STXBP3: variants seen among roughly 807,000 people sequenced by gnomAD.
STXBP3 encodes syntaxin binding protein 3.
In STXBP3, 41 loss-of-function variants were observed where a neutral mutation model predicts 85.7. The observed-to-expected ratio is 0.48, with a 90% CI of 0.37 to 0.62. The LOEUF (loss-of-function observed/expected upper bound fraction) is 0.62. Ranked by LOEUF, STXBP3 falls within the 20% of genes least tolerant of loss-of-function variation. The pLI is 0.00. For synonymous variants in STXBP3, 229 were observed against 231.7 expected (o/e 0.99, Z 0.10); for missense variants, 563 against 703.1 (o/e 0.80, Z 2.25).
chr1:108,754,071 C>T (rs1334869016), intron 3 of STXBP3, among the ~76,000 whole-genome samples: 2 of 138,988 alleles, frequency 1.4e-5, no homozygotes, highest in Admixed American at 1.5e-4. Context: ...CTCACTCTGT[C>T]ACCCAGGCTG....
chr1:108,791,867 C>T (rs909768990), intron 11 of STXBP3, among the ~76,000 whole-genome samples: 2 of 152,136 alleles, frequency 1.3e-5, no homozygotes, highest in African/African-American at 4.8e-5. Flanking sequence ...TGTAGTTTTG[C>T]CTTTTCCAGA....
intron 11 of STXBP3, among the ~76,000 whole-genome samples, chr1:108,790,245 T>G (rs1662948125): frequency 6.6e-6 from 1 of 152,216 alleles, no homozygotes; most frequent in Non-Finnish European, 1.5e-5. Context: ...GAAGTTATAT[T>G]AACTGATAAA....
At chr1:108,780,929 G>A (rs1474558925) in intron 9 of STXBP3, 4 of 151,282 alleles carry the variant, frequency 2.6e-5, no homozygotes, top group Admixed American at 2.0e-4. Flanking sequence ...CACTGCGCCT[G>A]GCTCATTTTT....
In STXBP3 at chr1:108,772,863, A is replaced by G. The variant is rs373037751; in HGVS notation, c.593+44A>G. 207 of 1,457,032 alleles carry G rather than the reference A, an allele frequency of 1.4e-4. 1 individual carries two copies. The Middle Eastern group carries it at 1.5e-3, about 10-fold the overall frequency. 90.3% of individuals were successfully genotyped at this position (1,457,032 alleles called of 1,614,324 possible). A position where few individuals can be genotyped will look rare whatever the true frequency, so the allele number is the denominator to read the frequency against. ...GCACATGTTATGCTTCCTATTTACC[A>G]TTCATTATAGAGGTAAGTAATGTGT... On this transcript the variant is annotated intron_variant, in intron 7 of 18. Coordinates refer to ENST00000370008, the MANE Select transcript of STXBP3 (RefSeq NM_007269.4).
intron 6 of STXBP3, among the ~76,000 whole-genome samples, chr1:108,768,591 C>T (rs1662317815): frequency 6.6e-6 from 1 of 152,098 alleles, no homozygotes; most frequent in Non-Finnish European, 1.5e-5. Flanking sequence ...AAGATAGGCT[C>T]TCTGTAGGTA....
At chr1:108,800,668 A>G (rs1302201569) in intron 17 of STXBP3, among the ~76,000 whole-genome samples, 5 of 152,220 alleles carry the variant, frequency 3.3e-5, no homozygotes, top group Non-Finnish European at 5.9e-5. Flanking sequence ...CTAAATCATT[A>G]TAATTCAAGC....
intron 11 of STXBP3, among the ~76,000 whole-genome samples, chr1:108,785,664 C>T (rs999698525): frequency 6.6e-6 from 1 of 152,150 alleles, no homozygotes; most frequent in Non-Finnish European, 1.5e-5. Flanking sequence ...TCTATCATAT[C>T]GTCAGGCTGC....
In STXBP3 at chr1:108,759,967, G is replaced by GT. The variant is rs199832556; in HGVS notation, c.338-9dup. On this transcript the variant is annotated splice_polypyrimidine_tract_variant and intron_variant, in intron 5 of 18. Coordinates refer to ENST00000370008, the MANE Select transcript of STXBP3 (RefSeq NM_007269.4). The stretch of plus-strand genomic sequence containing the variant: ...AAATCTAGATGTAACTATATGCTTT[G>GT]TTTTTTTTTCCCCTCAGTTTGCCCT... 5,248 of 1,406,852 alleles carry GT rather than the reference G, an allele frequency of 3.7e-3. 56 individuals carry two copies. The East Asian group carries it at 0.055, about 15-fold the overall frequency. The allele number at this position is 1,406,852 out of a possible 1,614,324, so 87.1% of individuals were successfully genotyped here.
At chr1:108,789,610 T>C (rs1446157581) in intron 11 of STXBP3, among the ~76,000 whole-genome samples, 1 of 152,234 alleles carries the variant, frequency 6.6e-6, no homozygotes, top group African/African-American at 2.4e-5. Context: ...ACCCTTATTA[T>C]GATTTCTTCT....
chr1:108,772,906 G>C, intron 7 of STXBP3, 87 bp downstream of exon 7: 4 of 1,270,394 alleles, frequency 3.1e-6, no homozygotes, highest in Middle Eastern at 2.2e-4. Context: ...TTGGCATGTT[G>C]GTTTGCAAAA....
intron 6 of STXBP3, among the ~76,000 whole-genome samples, chr1:108,765,570 A>ATT (rs35813823): frequency 0.079 from 5,290 of 66,846 alleles, 534 homozygotes; most frequent in African/African-American, 0.22. Context: ...CCACATGCTA[A>ATT]TTTTTTTTTT....
intron 6 of STXBP3, among the ~76,000 whole-genome samples, chr1:108,772,446 A>T (rs1286551364): frequency 7.1e-6 from 1 of 140,338 alleles, no homozygotes; most frequent in African/African-American, 2.6e-5. Flanking sequence ...ATCTATCTGT[A>T]TAATATATAA....
At chr1:108,774,329 C>T (rs1662541592) in intron 7 of STXBP3, among the ~76,000 whole-genome samples, 1 of 152,084 alleles carries the variant, frequency 6.6e-6, no homozygotes, top group South Asian at 2.1e-4. Flanking sequence ...AAGCATTCAG[C>T]ACTAATAAAT....
At chr1:108,795,920 C>T (rs1291550313) in intron 13 of STXBP3, among the ~76,000 whole-genome samples, 3 of 150,554 alleles carry the variant, frequency 2.0e-5, no homozygotes, top group African/African-American at 7.3e-5. Context: ...GGCTAGAGTG[C>T]AATGGCCCAA....
At chr1:108,779,455 A>G in intron 9 of STXBP3, 45 bp downstream of exon 9, 1 of 1,552,330 alleles carries the variant, frequency 6.4e-7, no homozygotes, top group Non-Finnish European at 8.7e-7. Context: ...TACAAACAGG[A>G]TAGAATATGA....
rs778314476 is a variant in STXBP3, at chr1:108,796,754, T to C, written c.1356+28T>C. ...AAGAAGTCTTATGTTGTGTATATAC[T>C]TTATATGTATGTGTATGTATGGTTG... is the stretch of plus-strand genomic sequence containing the variant. On this transcript the variant is annotated intron_variant, in intron 15 of 18. Coordinates refer to ENST00000370008, the MANE Select transcript of STXBP3 (RefSeq NM_007269.4). 1.8e-5 allele frequency: 29 copies of C among 1,569,748 alleles called. No homozygotes were observed. The South Asian group carries it at 3.3e-4, about 18-fold the overall frequency.
chr1:108,748,874 G>A (rs1661849001), intron 1 of STXBP3, among the ~76,000 whole-genome samples: 1 of 152,128 alleles, frequency 6.6e-6, no homozygotes, highest in South Asian at 2.1e-4. Flanking sequence ...TTGGACTAGT[G>A]GAAGATTAAT....
At chr1:108,769,247 G>A (rs755746731) in intron 6 of STXBP3, among the ~76,000 whole-genome samples, 5 of 152,134 alleles carry the variant, frequency 3.3e-5, no homozygotes, top group Non-Finnish European at 7.4e-5. Flanking sequence ...AAGTTGAGTA[G>A]GCAGAGGTGG....
rs748372630 is a variant in STXBP3 at position 108,807,483 on chromosome 1, A to G, written c.1618A>G (p.Thr540Ala). The G allele has an allele frequency of 3.1e-6, 5 of 1,613,738 alleles. No individual in the cohort carries two copies. Among genetic ancestry groups the G allele is most frequent in the Admixed American group, 1.7e-5 (1 of 59,982 alleles). Residue 540 changes from threonine to alanine, a missense_variant, in exon 18 of 19, where the codon ACA becomes GCA. By Grantham distance (58) the Thr-to-Ala change is moderately conservative (BLOSUM62 0). This residue lies in a region of STXBP3 where 494 missense variants were observed against 592.8 expected (regional missense o/e 0.83). Transcript: ENST00000370008. ...GATTGTTTTTGTAATTGGAGGGATCACATACTCTGAAGTGCGTTGTGCTTA... is the reference window on the plus strand; with the variant it reads ...GATTGTTTTTGTAATTGGAGGGATCGCATACTCTGAAGTGCGTTGTGCTTA... ...KLIVFVIGGI[T>A]YSEVRCAYEV...
Sources: allele counts gnomAD v4.1 joint callset (sites outside exome capture counted in the v4.1 genomes callset), GRCh38; gene constraint gnomAD v4.1.1; regional missense constraint gnomAD v4.1.1; transcripts MANE v1.5; gene names NCBI Gene and HGNC (gene_info 2026-07-23, HGNC 2026-07-21).